Variants in ROCK1 observed in about 807,000 individuals in gnomAD.
The protein encoded by ROCK1 is Rho associated coiled-coil containing protein kinase 1, also known as rho-associated protein kinase 1.
Under a neutral mutation model 196.8 loss-of-function variants are expected in ROCK1, and 36 were observed. The ratio of observed to expected loss-of-function variants is 0.18; its 90% CI spans 0.14 to 0.24. The LOEUF is 0.24. ROCK1 is among the 10% of genes least tolerant of loss of function. ROCK1 has a pLI of 1.00. For missense variants in ROCK1, 920 were observed against 1,562.0 expected (o/e 0.59, Z 6.93); for synonymous variants, 443 against 515.9 (o/e 0.86, Z 1.91).
intron 2 of ROCK1, among the ~76,000 whole-genome samples, chr18:21,064,188 C>T (rs778834744): frequency 1.3e-5 from 2 of 152,162 alleles, no homozygotes; most frequent in Non-Finnish European, 2.9e-5. Flanking sequence ...CCTCCCGACC[C>T]TTTCTCTCTC....
In ROCK1 at chr18:21,006,466, T is replaced by G. The variant is rs2143437353; in HGVS notation, c.1770A>C (p.Arg590=). The G allele has an allele frequency of 1.2e-6, 2 of 1,613,812 alleles. No homozygotes were observed. Among genetic ancestry groups the G allele is most frequent in the South Asian group, 2.2e-5 (2 of 91,078 alleles). Residue 590 remains arginine (R), a synonymous_variant, in exon 16 of 33, where the codon CGA becomes CGC. Transcript: ENST00000399799. ...TTTGTGACTTAGAATTCTCTAAAATTCGATTTCTCTCTTGCAACTCTCTGT... is the reference window on the plus strand; with the variant it reads ...TTTGTGACTTAGAATTCTCTAAAATGCGATTTCTCTCTTGCAACTCTCTGT... The part of the protein sequence containing the change: ...SLNRELQERN[R]ILENSKSQTD...
At chr18:20,981,658 G>T (rs1308459143) in intron 21 of ROCK1, among the ~76,000 whole-genome samples, 1 of 152,102 alleles carries the variant, frequency 6.6e-6, no homozygotes, top group Non-Finnish European at 1.5e-5. Flanking sequence ...CAAGGGCCAG[G>T]AAACAGCTGT....
chr18:20,953,331 G>C (rs2035208432), intron 32 of ROCK1: 1 of 337,772 alleles, frequency 3.0e-6, no homozygotes, highest in Admixed American at 4.7e-5. Flanking sequence ...CTAAAACTAT[G>C]CCATGTACAG....
At chr18:21,067,537 G>A (rs1345682805) in intron 2 of ROCK1, among the ~76,000 whole-genome samples, 1 of 151,816 alleles carries the variant, frequency 6.6e-6, no homozygotes, top group Non-Finnish European at 1.5e-5. Flanking sequence ...ACAGGTGTCT[G>A]CCAACATGTC....
At chr18:21,107,626 CT>C (rs1188066280) in intron 1 of ROCK1, among the ~76,000 whole-genome samples, 7 of 152,156 alleles carry the variant, frequency 4.6e-5, no homozygotes, top group African/African-American at 1.7e-4. Flanking sequence ...CTGAAGTCAC[CT>C]GATAGGTCAC....
At chr18:21,057,227 G>A (rs1392164748) in intron 2 of ROCK1, among the ~76,000 whole-genome samples, 1 of 152,122 alleles carries the variant, frequency 6.6e-6, no homozygotes, top group African/African-American at 2.4e-5. Context: ...AGGTGATGCT[G>A]GCAGAAAGCT....
intron 4 of ROCK1, among the ~76,000 whole-genome samples, chr18:21,048,069 C>T (rs1474518986): frequency 2.6e-5 from 4 of 152,048 alleles, no homozygotes; most frequent in Non-Finnish European, 5.9e-5. Flanking sequence ...ACCCAAAACC[C>T]CACTTGACCC....
Position 20,984,419 on chromosome 18 carries a change from C to T in ROCK1, c.2421G>A (p.Met807Ile), listed in dbSNP as rs1210017063. Residue 807 changes from methionine to isoleucine, a missense_variant, in exon 20 of 33, where the codon ATG becomes ATA. This residue lies in a region of ROCK1 where 520 missense variants were observed against 657.1 expected (regional missense o/e 0.79). Transcript: ENST00000399799. ...CCAATAAAGTATTTATTTCCTGTTTCATCTGCTTTTCTAAACCTTTTAAAT... is the reference window on the plus strand; with the variant it reads ...CCAATAAAGTATTTATTTCCTGTTTTATCTGCTTTTCTAAACCTTTTAAAT... ...ADNLKGLEKQ[M>I]KQEINTLLEA... is the part of the protein sequence containing the mutation. 2 of 1,612,564 alleles carry T rather than the reference C, an allele frequency of 1.2e-6. No individual in the cohort carries two copies. Among genetic ancestry groups the T allele is most frequent in the Non-Finnish European group, 1.7e-6 (2 of 1,179,338 alleles).
intron 18 of ROCK1, among the ~76,000 whole-genome samples, chr18:20,989,268 T>G (rs16941481): frequency 0.02 from 2,977 of 152,316 alleles, 78 homozygotes; most frequent in African/African-American, 0.067. Context: ...ATTTTTCATC[T>G]AACTTAGAAT....
At chr18:21,048,204 C>A (rs1434152816) in intron 4 of ROCK1, among the ~76,000 whole-genome samples, 1 of 152,156 alleles carries the variant, frequency 6.6e-6, no homozygotes, top group Admixed American at 6.5e-5. Context: ...CAGAGAAAGG[C>A]CTATGGCAAT....
At chr18:20,998,949 C>T (rs966794333) in intron 16 of ROCK1, among the ~76,000 whole-genome samples, 1 of 152,068 alleles carries the variant, frequency 6.6e-6, no homozygotes, top group Admixed American at 6.6e-5. Context: ...CAATCCTACT[C>T]AAACTATTTC....
chr18:21,041,210 T>C (rs981739239), intron 8 of ROCK1, among the ~76,000 whole-genome samples: 2 of 140,134 alleles, frequency 1.4e-5, no homozygotes, highest in African/African-American at 5.4e-5. Context: ...AGTGGGAGGA[T>C]CACTTGATCC....
At chr18:20,969,355 A>G (rs1475943894) in intron 23 of ROCK1, 147 bp from the exon 24 acceptor site, 1 of 518,270 alleles carries the variant, frequency 1.9e-6, no homozygotes, top group Non-Finnish European at 3.4e-6. Flanking sequence ...AAAATATGTA[A>G]TTACATCAAA....
rs1429681999 is a variant in ROCK1 at position 20,951,101 on chromosome 18, C to G, written c.*283G>C. The G allele has an allele frequency of 6.8e-5, 21 of 308,186 alleles. No individual in the cohort carries two copies. The highest frequency in any genetic ancestry group is 8.6e-5 in the African/African-American group (4 of 46,436). 19.1% of individuals were successfully genotyped at this position (308,186 alleles called of 1,614,324 possible). A position where few individuals can be genotyped will look rare whatever the true frequency, so the allele number is the denominator to read the frequency against. On this transcript the variant is annotated 3_prime_UTR_variant, in exon 33 of 33. Coordinates refer to ENST00000399799, the MANE Select transcript of ROCK1 (RefSeq NM_005406.3). Reference sequence around the variant, plus strand: ...GACTGACAGGCATTTTCTTATAAATCCAAAAAGGCAGCACCTTTTAAAAAA... The same window carrying G: ...GACTGACAGGCATTTTCTTATAAATGCAAAAAGGCAGCACCTTTTAAAAAA...
intron 9 of ROCK1, among the ~76,000 whole-genome samples, chr18:21,031,561 T>C (rs2036006663): frequency 1.5e-5 from 2 of 135,664 alleles, no homozygotes; most frequent in Admixed American, 8.7e-5. Context: ...GCTAAGATCG[T>C]GCCACTGCAC....
chr18:21,020,191 T>C lies in ROCK1; in HGVS notation c.1321A>G (p.Asn441Asp). 6.3e-7 allele frequency: 1 copy of C among 1,599,006 alleles called. No homozygotes were observed. Among genetic ancestry groups the C allele is most frequent in the South Asian group, 1.1e-5 (1 of 88,358 alleles). ...TIYKLEEQLH[N>D]EMQLKDEMEQ... ...ATTTCATCTTTTAACTGCATTTCAT[T>C]ATGCAGCTGTTCTTCCAGCTTATAG... The change falls in exon 12 of 33, where the codon AAT (asparagine) becomes GAT (aspartate). Residue 441 changes from asparagine (N) to aspartate (D), a missense_variant. By Grantham distance (23) the Asn-to-Asp change is conservative (BLOSUM62 1). Around this residue, in one of 6 missense-constraint regions of ROCK1, gnomAD observed 520 missense variants for 657.1 expected, o/e 0.79. Transcript: ENST00000399799.
chr18:21,004,218 A>C (rs1262964169), intron 16 of ROCK1, among the ~76,000 whole-genome samples: 1 of 152,216 alleles, frequency 6.6e-6, no homozygotes, highest in Non-Finnish European at 1.5e-5. Flanking sequence ...GGTTATAAAA[A>C]GTAAAAAATA....
intron 29 of ROCK1, among the ~76,000 whole-genome samples, chr18:20,958,957 TTATATAATA>T (rs1322440337): frequency 1.8e-4 from 17 of 94,126 alleles, no homozygotes; most frequent in East Asian, 7.8e-4. Context: ...TATATATATT[TTATATAATA>T]TATATAATAT....
intron 1 of ROCK1, among the ~76,000 whole-genome samples, chr18:21,109,313 G>A (rs566704123): frequency 1.6e-4 from 25 of 152,198 alleles, no homozygotes; most frequent in African/African-American, 6.0e-4. Context: ...ACCAAATGAA[G>A]CTATAGCAAG....
Sources: allele counts gnomAD v4.1 joint callset (sites outside exome capture counted in the v4.1 genomes callset), GRCh38; gene constraint gnomAD v4.1.1; regional missense constraint gnomAD v4.1.1; transcripts MANE v1.5; gene names NCBI Gene and HGNC (gene_info 2026-07-23, HGNC 2026-07-21).